Variants in TPST2 observed in about 807,000 individuals in gnomAD.
TPST2 encodes protein-tyrosine sulfotransferase 2.
In TPST2, 16 loss-of-function variants were observed where a neutral mutation model predicts 27.8. That is an observed-to-expected ratio of 0.58 (90% confidence interval 0.39 to 0.88). TPST2 has a LOEUF of 0.88. Among genes scored for constraint, TPST2 ranks in the 40% least tolerant of loss-of-function variants. The probability of loss-of-function intolerance (pLI) is 0.00; values close to 1 mark genes in which losing one functional copy is unlikely to be tolerated. For missense variants in TPST2, 464 were observed against 543.1 expected (o/e 0.85, Z 1.45); for synonymous variants, 229 against 231.7 (o/e 0.99, Z 0.10).
At chr22:26,577,227 C>T (rs948983548) in intron 1 of TPST2, among the ~76,000 whole-genome samples, 2 of 149,342 alleles carry the variant, frequency 1.3e-5, no homozygotes, top group African/African-American at 4.9e-5. Context: ...ATCATGCCAC[C>T]GCAATCCAGC....
chr22:26,560,873 A>G, intron 1 of TPST2: 1 of 1,596,010 alleles, frequency 6.3e-7, no homozygotes, highest in Non-Finnish European at 8.6e-7. Context: ...TCAAAGGAGA[A>G]CATCCTGGCC....
At chr22:26,581,492 C>G (rs1237278785) in intron 1 of TPST2, among the ~76,000 whole-genome samples, 1 of 152,212 alleles carries the variant, frequency 6.6e-6, no homozygotes, top group Non-Finnish European at 1.5e-5. Context: ...GAAATCTAAA[C>G]TAAACCCTCT....
At position 26,542,240 on chromosome 22, in the gene TPST2, TA is replaced by T. The variant is rs537567197; in HGVS notation, c.-88-523del. 6.2e-3 allele frequency among the ~76,000 whole-genome samples: 716 copies of T among 115,936 alleles called. 11 individuals are homozygous for T. The East Asian group carries it at 0.076, about 12-fold the overall frequency. 76.1% of individuals were successfully genotyped at this position (115,936 alleles called of 152,430 possible). A position where few individuals can be genotyped will look rare whatever the true frequency, so the allele number is the denominator to read the frequency against. On this transcript the variant is annotated intron_variant, in intron 2 of 6. Transcript: ENST00000338754. Reference sequence around the variant, plus strand: ...GTGGGCGACAGAGCGAGACTCCGTCTAAAAAAAAAAAAAAAAAAGGCTGGAG... The same window carrying T: ...GTGGGCGACAGAGCGAGACTCCGTCTAAAAAAAAAAAAAAAAAGGCTGGAG...
In TPST2 at chr22:26,522,456, C is replaced by T. The variant is rs1456363275; in HGVS notation, c.*3819G>A. The T allele has an allele frequency of 6.6e-6, 1 of 152,128 alleles. No homozygotes were observed. Among genetic ancestry groups the T allele is most frequent in the African/African-American group, 2.4e-5 (1 of 41,422 alleles). The allele number at this position is 152,128 out of a possible 1,614,324, so 9.4% of individuals were successfully genotyped here. A position where few individuals can be genotyped will look rare whatever the true frequency, so the allele number is the denominator to read the frequency against. Reference sequence around the variant, plus strand: ...GCTGACCCACTGATCCATGGAACCCCCAAGAAAGGCTCTAGAACAAAGCTC... The same window carrying T: ...GCTGACCCACTGATCCATGGAACCCTCAAGAAAGGCTCTAGAACAAAGCTC... On this transcript the variant is annotated 3_prime_UTR_variant, in exon 7 of 7. Coordinates refer to ENST00000338754, the MANE Select transcript of TPST2 (RefSeq NM_003595.5).
At chr22:26,559,974 T>C (rs976733626) in intron 1 of TPST2, among the ~76,000 whole-genome samples, 4 of 152,184 alleles carry the variant, frequency 2.6e-5, no homozygotes, top group Non-Finnish European at 4.4e-5. Context: ...TCAATGTATA[T>C]GTATCATATA....
chr22:26,579,751 A>G (rs1280898009), intron 1 of TPST2, among the ~76,000 whole-genome samples: 1 of 152,106 alleles, frequency 6.6e-6, no homozygotes, highest in Non-Finnish European at 1.5e-5. Flanking sequence ...AGTGGTGCAG[A>G]TTGGGGCGGA....
chr22:26,535,987 GAAAT>G lies in TPST2; in HGVS notation c.1041+297_1041+300del. Reference sequence around the variant, plus strand: ...ACAAACAGATAAACAAATAGCCAGGGAAATAGGGGTAAAAATGTAAATAAAATTA... The same window carrying G: ...ACAAACAGATAAACAAATAGCCAGGGAGGGGTAAAAATGTAAATAAAATTA... On this transcript the variant is annotated intron_variant, in intron 4 of 6. Coordinates refer to ENST00000338754, the MANE Select transcript of TPST2 (RefSeq NM_003595.5). 6.3e-6 allele frequency: 3 copies of G among 479,022 alleles called. 1 individual carries two copies. Among genetic ancestry groups the G allele is most frequent in the South Asian group, 3.9e-5 (2 of 51,280 alleles). The allele number at this position is 479,022 out of a possible 1,614,324, so 29.7% of individuals were successfully genotyped here.
intron 1 of TPST2, among the ~76,000 whole-genome samples, chr22:26,545,511 G>A (rs890185551): frequency 2.0e-5 from 3 of 152,170 alleles, no homozygotes; most frequent in Admixed American, 6.5e-5. Flanking sequence ...TTACCATTTA[G>A]GGTAGGGAAG....
At chr22:26,586,495 C>CCA (rs1214951425) in intron 1 of TPST2, among the ~76,000 whole-genome samples, 1 of 152,220 alleles carries the variant, frequency 6.6e-6, no homozygotes, top group African/African-American at 2.4e-5. Flanking sequence ...ACCAATCCAT[C>CCA]CACCTCAGCC....
chr22:26,537,852 A>C (rs1925561589), intron 3 of TPST2, among the ~76,000 whole-genome samples: 1 of 152,104 alleles, frequency 6.6e-6, no homozygotes, highest in African/African-American at 2.4e-5. Flanking sequence ...GCAGCTGTAA[A>C]ACAAATACGC....
At chr22:26,527,931 C>T (rs955236572) in intron 6 of TPST2, among the ~76,000 whole-genome samples, 1 of 152,206 alleles carries the variant, frequency 6.6e-6, no homozygotes, top group Non-Finnish European at 1.5e-5. Context: ...CATAGTGGTG[C>T]TTCCTGCCCT....
intron 1 of TPST2, among the ~76,000 whole-genome samples, chr22:26,581,558 A>C (rs1928113024): frequency 6.6e-6 from 1 of 152,220 alleles, no homozygotes; most frequent in African/African-American, 2.4e-5. Context: ...GAATCAGTCA[A>C]CTTGACTCAA....
At chr22:26,566,594 A>T in intron 1 of TPST2, among the ~76,000 whole-genome samples, 1 of 151,916 alleles carries the variant, frequency 6.6e-6, no homozygotes, top group Non-Finnish European at 1.5e-5. Context: ...AGAAAAAAAA[A>T]TACAAAAATC....
rs1401254526 is a variant in TPST2 at position 26,528,274 on chromosome 22, C to A, written c.1093-12G>T. 6.4e-7 allele frequency: 1 copy of A among 1,560,144 alleles called. No homozygotes were observed. Among genetic ancestry groups the A allele is most frequent in the Non-Finnish European group, 8.7e-7 (1 of 1,150,600 alleles). On this transcript the variant is annotated splice_polypyrimidine_tract_variant and intron_variant, in intron 5 of 6. Transcript: ENST00000338754. ...CTGTTCTGGTTCACCTGGAGAAAGACAATACACAGAAGAAGGGGTCACGGC... is the reference window on the plus strand; with the variant it reads ...CTGTTCTGGTTCACCTGGAGAAAGAAAATACACAGAAGAAGGGGTCACGGC...
chr22:26,531,228 C>T (rs1925143487), intron 5 of TPST2, among the ~76,000 whole-genome samples: 1 of 152,142 alleles, frequency 6.6e-6, no homozygotes, highest in African/African-American at 2.4e-5. Context: ...CTGTCCTCCA[C>T]TGTGCACATA....
intron 1 of TPST2, among the ~76,000 whole-genome samples, chr22:26,576,868 G>A (rs141151542): frequency 0.025 from 3,839 of 151,466 alleles, 165 homozygotes; most frequent in African/African-American, 0.088. Flanking sequence ...AGGCCGAGGC[G>A]GGTGGATCAC....
rs551130138 is a variant in TPST2, at chr22:26,555,584, C to T, written c.-160-10909G>A. 2.0e-4 allele frequency among the ~76,000 whole-genome samples: 30 copies of T among 152,336 alleles called. 1 individual carries two copies. The South Asian group carries it at 6.0e-3, about 31-fold the overall frequency. On this transcript the variant is annotated intron_variant, in intron 1 of 6. Transcript: ENST00000338754. ...AGAGGCATCAGCTACAATTCTGTAC[C>T]ATTATTTATTAGGACGGACACAGTC... is the stretch of plus-strand genomic sequence containing the variant.
intron 1 of TPST2, among the ~76,000 whole-genome samples, chr22:26,572,326 C>T (rs1927661507): frequency 6.6e-6 from 1 of 152,142 alleles, no homozygotes; most frequent in Non-Finnish European, 1.5e-5. Flanking sequence ...GTGGGGCCAT[C>T]TCTAGTCACC....
At chr22:26,534,373 C>A (rs960423311) in intron 4 of TPST2, among the ~76,000 whole-genome samples, 2 of 152,176 alleles carry the variant, frequency 1.3e-5, no homozygotes, top group African/African-American at 4.8e-5. Flanking sequence ...CTAGCACTTG[C>A]CAAGACTTGT....
Sources: allele counts gnomAD v4.1 joint callset (sites outside exome capture counted in the v4.1 genomes callset), GRCh38; gene constraint gnomAD v4.1.1; transcripts MANE v1.5; gene names NCBI Gene and HGNC (gene_info 2026-07-23, HGNC 2026-07-21).